WIZ: variants seen among roughly 807,000 people sequenced by gnomAD.
WIZ encodes the protein protein Wiz.
WIZ carries 25 observed loss-of-function variants against 140.2 expected under a neutral mutation model. That is an observed-to-expected ratio of 0.18 (90% CI 0.13 to 0.25). The LOEUF (loss-of-function observed/expected upper bound fraction) is 0.25. Ranked by LOEUF, WIZ falls within the 10% of genes least tolerant of loss-of-function variation. The pLI is 1.00. For missense variants in WIZ, 2,231 were observed against 2,632.6 expected (o/e 0.85, Z 3.34); for synonymous variants, 1,125 against 1,154.3 (o/e 0.97, Z 0.51).
Position 15,439,088 on chromosome 19 carries a change from G to A in WIZ, c.1906C>T (p.Pro636Ser). Reference sequence around the variant, plus strand: ...AGGGGTGAAAAGACCCCATTTTCAGGGGAAAAATCCATCTCGGAGGTCAGC... The same window carrying A: ...AGGGGTGAAAAGACCCCATTTTCAGAGGAAAAATCCATCTCGGAGGTCAGC... ...VVLTSEMDFS[P>S]ENGVFSPLAT... is the part of the protein sequence containing the mutation. Residue 636 changes from proline (P) to serine (S), a missense_variant, in exon 4 of 13, where the codon CCT becomes TCT. Physicochemically the swap from Pro to Ser is moderately conservative, Grantham distance 74. Coordinates refer to ENST00000673675, the MANE Select transcript of WIZ (RefSeq NM_001371589.1). This position sits in a 1 kb window ranked among gnomAD's most constrained non-coding sequence, Gnocchi z 7.0. 6.7e-7 allele frequency: 1 copy of A among 1,485,826 alleles called. No individual in the cohort carries two copies. The highest frequency in any genetic ancestry group is 1.3e-5 in the South Asian group (1 of 77,704). The allele number at this position is 1,485,826 out of a possible 1,614,324, so 92.0% of individuals were successfully genotyped here. A position where few individuals can be genotyped will look rare whatever the true frequency, so the allele number is the denominator to read the frequency against.
chr19:15,439,708 C>T lies in WIZ; in HGVS notation c.1286G>A (p.Gly429Asp). ...TCCAAAAGGCTCTTTGGTGGTCTGG[C>T]CTGGGGGCTCACGCATGTGCAGCTT... ...HAKLHMREPP[G>D]QTTKEPFGGS... The change falls in exon 4 of 13, where the codon GGC (glycine) becomes GAC (aspartate). Residue 429 changes from glycine to aspartate, a missense_variant. Around this residue, in one of 15 missense-constraint regions of WIZ, gnomAD observed 475 missense variants for 520.2 expected, o/e 0.91. Transcript: ENST00000673675. This position sits in a 1 kb window ranked among gnomAD's most constrained non-coding sequence, Gnocchi z 7.0. The T allele has an allele frequency of 1.3e-6, 2 of 1,490,138 alleles. No homozygotes were observed. The highest frequency in any genetic ancestry group is 1.8e-6 in the Non-Finnish European group (2 of 1,127,188). 92.3% of individuals were successfully genotyped at this position (1,490,138 alleles called of 1,614,324 possible).
Position 15,428,555 on chromosome 19 carries a change from G to A in WIZ, c.3416-47C>T, listed in dbSNP as rs1252174754. The A allele has an allele frequency of 4.8e-5, 73 of 1,534,678 alleles. No individual in the cohort carries two copies. The highest frequency in any genetic ancestry group is 1.7e-4 in the Middle Eastern group (1 of 5,980). On this transcript the variant is annotated intron_variant, in intron 7 of 12. Transcript: ENST00000673675. This position sits in a 1 kb window ranked among gnomAD's most constrained non-coding sequence, Gnocchi z 6.4. The stretch of plus-strand genomic sequence containing the variant: ...GGGGTTCACGGCCGCCACCTTGGCC[G>A]GCCTTGGGGGCCTGAGGTAGGAGGG...
In WIZ at chr19:15,436,810, T is replaced by G; in HGVS notation, c.2736A>C (p.Gly912=). 1 of 1,580,640 alleles carries G rather than the reference T, an allele frequency of 6.3e-7. No homozygotes were observed. The change falls in exon 5 of 13, where the codon GGA becomes GGC. Residue 912 remains glycine (G), a synonymous_variant. Coordinates refer to ENST00000673675, the MANE Select transcript of WIZ (RefSeq NM_001371589.1). Reference sequence around the variant, plus strand: ...CAGCCCGTCCCCTCCCCTTACCATCTCCATAGGCTGGCCCAGGGTCCTCAG... The same window carrying G: ...CAGCCCGTCCCCTCCCCTTACCATCGCCATAGGCTGGCCCAGGGTCCTCAG... ...TWAEDPGPAY[G]DGLGSEENAM...
At chr19:15,441,636 T>C (rs1215470384) in intron 3 of WIZ, among the ~76,000 whole-genome samples, 2 of 152,150 alleles carry the variant, frequency 1.3e-5, no homozygotes, top group African/African-American at 4.8e-5. Context: ...TTCAAGATCC[T>C]GCCTCCATCA....
In WIZ at chr19:15,440,482, G is replaced by C; in HGVS notation, c.512C>G (p.Pro171Arg). The change falls in exon 4 of 13, where the codon CCA (proline) becomes CGA (arginine). Residue 171 changes from proline to arginine, a missense_variant. Coordinates refer to ENST00000673675, the MANE Select transcript of WIZ (RefSeq NM_001371589.1). The surrounding 1 kb of genome is among the most constrained non-coding windows in gnomAD (Gnocchi z 6.2). ...CTGGGCATGTTTCTCCAAAAGCCTT[G>C]GTTCCCCCCGGTGGTGTAAGAACCT... ...SRRFLHHRGEPRLLEKHAQGR... is the reference protein window; with the variant it reads ...SRRFLHHRGERRLLEKHAQGR... 5.2e-6 allele frequency: 8 copies of C among 1,536,100 alleles called. No homozygotes were observed. The highest frequency in any genetic ancestry group is 1.2e-5 in the South Asian group (1 of 84,064).
rs1194568265 is a variant in WIZ, at chr19:15,439,048, A to C, written c.1946T>G (p.Leu649Arg). ...GVFSPLATPS[L>R]IPQAALELKQ... ...CAGCTCCAGGGCCGCCTGCGGGATG[A>C]GGCTGGGGGTGGCTAGGGGTGAAAA... The change falls in exon 4 of 13, where the codon CTC becomes CGC. Residue 649 changes from leucine (L) to arginine (R), a missense_variant. Leu to Arg is a moderately radical substitution (Grantham distance 102). Coordinates refer to ENST00000673675, the MANE Select transcript of WIZ (RefSeq NM_001371589.1). This position sits in a 1 kb window ranked among gnomAD's most constrained non-coding sequence, Gnocchi z 7.0. 2 of 1,495,866 alleles carry C rather than the reference A, an allele frequency of 1.3e-6. No homozygotes were observed. Among genetic ancestry groups the C allele is most frequent in the East Asian group, 4.9e-5 (2 of 40,530 alleles). 92.7% of individuals were successfully genotyped at this position (1,495,866 alleles called of 1,614,324 possible). A position where few individuals can be genotyped will look rare whatever the true frequency, so the allele number is the denominator to read the frequency against.
At chr19:15,426,350 C>T (rs1349451669) in intron 9 of WIZ, among the ~76,000 whole-genome samples, 2 of 152,152 alleles carry the variant, frequency 1.3e-5, no homozygotes, top group Non-Finnish European at 2.9e-5. Context: ...AGAATGAACA[C>T]AGTGCTGGTG....
intron 5 of WIZ, among the ~76,000 whole-genome samples, chr19:15,433,814 C>T (rs946359964): frequency 5.3e-5 from 8 of 152,210 alleles, no homozygotes; most frequent in South Asian, 4.1e-4. Flanking sequence ...AGCCCCTGTC[C>T]TCTCTGAACC....
In WIZ at chr19:15,439,638, G is replaced by T. The variant is rs1309733685; in HGVS notation, c.1356C>A (p.Leu452=). Residue 452 remains leucine, a synonymous_variant, in exon 4 of 13, where the codon CTC becomes CTA. Coordinates refer to ENST00000673675, the MANE Select transcript of WIZ (RefSeq NM_001371589.1). The surrounding 1 kb of genome is among the most constrained non-coding windows in gnomAD (Gnocchi z 7.0). The part of the protein sequence containing the change: ...AGSPSPEASA[L]LYQPYGAAVG... Reference sequence around the variant, plus strand: ...CGGCAGCTCCGTAGGGCTGATAGAGGAGGGCGCTGGCCTCAGGGCTGGGGC... The same window carrying T: ...CGGCAGCTCCGTAGGGCTGATAGAGTAGGGCGCTGGCCTCAGGGCTGGGGC... 9.4e-6 allele frequency: 14 copies of T among 1,490,912 alleles called. No homozygotes were observed. Among genetic ancestry groups the T allele is most frequent in the Non-Finnish European group, 1.2e-5 (14 of 1,126,524 alleles). 92.4% of individuals were successfully genotyped at this position (1,490,912 alleles called of 1,614,324 possible). A position where few individuals can be genotyped will look rare whatever the true frequency, so the allele number is the denominator to read the frequency against.
rs896038339 is a variant in WIZ, at chr19:15,429,912, A to C, written c.3089T>G (p.Leu1030Arg). 1 of 1,535,982 alleles carries C rather than the reference A, an allele frequency of 6.5e-7. No homozygotes were observed. Among genetic ancestry groups the C allele is most frequent in the Non-Finnish European group, 8.7e-7 (1 of 1,146,790 alleles). ...CTTAGCCAGGCCTGGGGGCAGCCCA[A>C]GGTGGGCGTCAGGCAGACCCTTCTG... The part of the protein sequence containing the change: ...VKQKGLPDAH[L>R]GLPPGLAKKS... The change falls in exon 7 of 13, where the codon CTT becomes CGT. Residue 1030 changes from leucine (L) to arginine (R), a missense_variant. Coordinates refer to ENST00000673675, the MANE Select transcript of WIZ (RefSeq NM_001371589.1).
At chr19:15,423,583 C>G (rs967939437) in intron 12 of WIZ, among the ~76,000 whole-genome samples, 1 of 152,268 alleles carries the variant, frequency 6.6e-6, no homozygotes, top group East Asian at 1.9e-4. Flanking sequence ...ACCAAGCCCC[C>G]CACCTCCTCC....
intron 4 of WIZ, among the ~76,000 whole-genome samples, chr19:15,437,396 G>A (rs925590731): frequency 3.5e-4 from 53 of 152,214 alleles, no homozygotes; most frequent in African/African-American, 1.2e-3. Context: ...AGGTGTGGTG[G>A]CTCACGCCTG....
chr19:15,436,096 C>T (rs1020557469), intron 5 of WIZ, among the ~76,000 whole-genome samples: 21 of 152,222 alleles, frequency 1.4e-4, no homozygotes, highest in African/African-American at 4.3e-4. Flanking sequence ...GAGCTCCAGC[C>T]GGGGCAAAAG....
rs1652301330 is a variant in WIZ, at chr19:15,428,699, G to A, written c.3416-191C>T. Among the ~76,000 whole-genome samples, 1 of 152,184 alleles carries A rather than the reference G, an allele frequency of 6.6e-6. No homozygotes were observed. Among genetic ancestry groups the A allele is most frequent in the African/African-American group, 2.4e-5 (1 of 41,442 alleles). On this transcript the variant is annotated intron_variant, in intron 7 of 12. Coordinates refer to ENST00000673675, the MANE Select transcript of WIZ (RefSeq NM_001371589.1). The surrounding 1 kb of genome is among the most constrained non-coding windows in gnomAD (Gnocchi z 6.4). The stretch of plus-strand genomic sequence containing the variant: ...CCTGCCTAGCCCTTTGGCATCGAGG[G>A]GAGTGTAGAGAGCTTAAGGACTTTG...
chr19:15,439,286 C>T lies in WIZ; in HGVS notation c.1708G>A (p.Gly570Ser). ...DFPLSKPLLH[G>S]TGQRPLGRLA... ...CTTCCGAGAGGCCTCTGGCCCGTGC[C>T]ATGCAGGAGTGGCTTTGACAGCGGG... Residue 570 changes from glycine to serine, a missense_variant, in exon 4 of 13, where the codon GGC becomes AGC. By Grantham distance (56) the Gly-to-Ser change is moderately conservative. Transcript: ENST00000673675. This position sits in a 1 kb window ranked among gnomAD's most constrained non-coding sequence, Gnocchi z 7.0. 6.5e-7 allele frequency: 1 copy of T among 1,535,278 alleles called. No individual in the cohort carries two copies. The highest frequency in any genetic ancestry group is 8.7e-7 in the Non-Finnish European group (1 of 1,146,526).
Position 15,427,206 on chromosome 19 carries a change from G to A in WIZ, c.4142C>T (p.Pro1381Leu). 2 of 1,614,184 alleles carry A rather than the reference G, an allele frequency of 1.2e-6. No homozygotes were observed. The highest frequency in any genetic ancestry group is 2.2e-5 in the East Asian group (1 of 44,886). ...ISPLAKKLPP[P>L]PGSPLGHSPT... ...TGAGTGGCCCAGGGGGCTGCCCGGT[G>A]GTGGTGGCAACTTCTTGGCCAAGGG... Residue 1381 changes from proline (P) to leucine (L), a missense_variant, in exon 9 of 13, where the codon CCA becomes CTA. By Grantham distance (98) the Pro-to-Leu change is moderately conservative (BLOSUM62 -3). Around this residue, in one of 15 missense-constraint regions of WIZ, gnomAD observed 393 missense variants for 451.7 expected, o/e 0.87. Transcript: ENST00000673675. This position sits in a 1 kb window ranked among gnomAD's most constrained non-coding sequence, Gnocchi z 6.4.
intron 4 of WIZ, 36 bp downstream of exon 4, chr19:15,438,542 G>A: frequency 6.9e-7 from 1 of 1,457,238 alleles, no homozygotes; most frequent in South Asian, 1.3e-5. Flanking sequence ...GCCCAGCCAT[G>A]TGTCTCCTGG....
intron 5 of WIZ, among the ~76,000 whole-genome samples, chr19:15,432,768 T>C (rs930108671): frequency 1.3e-5 from 2 of 150,902 alleles, no homozygotes; most frequent in Admixed American, 1.3e-4. Flanking sequence ...GAGTGCCGAG[T>C]GCCGCTGCCG....
In WIZ at chr19:15,428,087, G is replaced by A. The variant is rs1405958561; in HGVS notation, c.3814+23C>T. 1.3e-6 allele frequency: 2 copies of A among 1,532,904 alleles called. No homozygotes were observed. The highest frequency in any genetic ancestry group is 1.7e-6 in the Non-Finnish European group (2 of 1,146,280). 95.0% of individuals were successfully genotyped at this position (1,532,904 alleles called of 1,614,324 possible). A position where few individuals can be genotyped will look rare whatever the true frequency, so the allele number is the denominator to read the frequency against. On this transcript the variant is annotated intron_variant, in intron 8 of 12. Transcript: ENST00000673675. This position sits in a 1 kb window ranked among gnomAD's most constrained non-coding sequence, Gnocchi z 6.4. ...GGCTCCAGGGCCCGCAGTGAGGAGGGGGCAGCTGAAGCGAGAACCTACAGA... is the reference window on the plus strand; with the variant it reads ...GGCTCCAGGGCCCGCAGTGAGGAGGAGGCAGCTGAAGCGAGAACCTACAGA...
Sources: allele counts gnomAD v4.1 joint callset (sites outside exome capture counted in the v4.1 genomes callset), GRCh38; gene constraint gnomAD v4.1.1; regional missense constraint gnomAD v4.1.1; non-coding constraint Gnocchi (gnomAD v3.1); transcripts MANE v1.5; gene names NCBI Gene and HGNC (gene_info 2026-07-23, HGNC 2026-07-21).